Variants in PPFIBP2 observed in about 807,000 individuals in gnomAD.
PPFIBP2 encodes the protein liprin-beta-2.
A neutral mutation model predicts 118.3 loss-of-function variants in PPFIBP2; 118 were observed. The ratio of observed to expected loss-of-function variants is 1.00; its 90% confidence interval spans 0.86 to 1.16. PPFIBP2 has a LOEUF of 1.16. Ranked by LOEUF, PPFIBP2 falls within the 50% of genes most tolerant of loss-of-function variation. The pLI is 0.00. For synonymous variants in PPFIBP2, 414 were observed against 397.4 expected, an observed-to-expected ratio of 1.04 and a Z score of -0.50; for missense variants, 1,195 against 1,073.1, an observed-to-expected ratio of 1.11 and a Z score of -1.59.
intron 1 of PPFIBP2, among the ~76,000 whole-genome samples, chr11:7,541,493 G>A (rs1851773736): frequency 6.6e-6 from 1 of 152,110 alleles, no homozygotes; most frequent in East Asian, 1.9e-4. Flanking sequence ...AAACCCTTTG[G>A]TTCGCTTATG....
intron 1 of PPFIBP2, among the ~76,000 whole-genome samples, chr11:7,528,814 C>T (rs1850437263): frequency 6.6e-6 from 1 of 152,130 alleles, no homozygotes; most frequent in African/African-American, 2.4e-5. Context: ...GTGAGGACTG[C>T]CTGCTCAAGT....
chr11:7,522,104 G>C (rs913473498), intron 1 of PPFIBP2, among the ~76,000 whole-genome samples: 1 of 152,186 alleles, frequency 6.6e-6, no homozygotes, highest in Non-Finnish European at 1.5e-5. Flanking sequence ...GGACAGGGAG[G>C]AACTTCTTAT....
intron 1 of PPFIBP2, among the ~76,000 whole-genome samples, chr11:7,519,642 T>A (rs1253955119): frequency 6.6e-6 from 1 of 152,032 alleles, no homozygotes; most frequent in Non-Finnish European, 1.5e-5. Flanking sequence ...GAGTTTCCCA[T>A]AATGAAGGGT....
At chr11:7,547,417 A>G (rs904609031) in intron 1 of PPFIBP2, among the ~76,000 whole-genome samples, 5 of 152,116 alleles carry the variant, frequency 3.3e-5, no homozygotes, top group Admixed American at 6.5e-5. Context: ...AGGCCACAGT[A>G]AGGAGTTTGG....
At chr11:7,597,524 C>G in intron 4 of PPFIBP2, 36 bp from the exon 5 acceptor site, 3 of 1,590,000 alleles carry the variant, frequency 1.9e-6, no homozygotes, top group Non-Finnish European at 2.6e-6. Flanking sequence ...ATGTCAAATC[C>G]CTGGTCCTCC....
chr11:7,615,591 C>T (rs925595714), intron 6 of PPFIBP2, among the ~76,000 whole-genome samples: 3 of 152,214 alleles, frequency 2.0e-5, no homozygotes, highest in African/African-American at 7.2e-5. Flanking sequence ...TCCTAAATAT[C>T]TCCCAGCTGA....
At chr11:7,626,712 T>A (rs187822302) in intron 8 of PPFIBP2, among the ~76,000 whole-genome samples, 75 of 152,378 alleles carry the variant, frequency 4.9e-4, no homozygotes, top group African/African-American at 1.7e-3. Flanking sequence ...TATGGCTGTT[T>A]GCCATGTATA....
intron 2 of PPFIBP2, among the ~76,000 whole-genome samples, chr11:7,561,577 T>G (rs1185532707): frequency 6.6e-6 from 1 of 152,220 alleles, no homozygotes; most frequent in Non-Finnish European, 1.5e-5. Context: ...TGTCTAAATT[T>G]TATTTTTGTG....
chr11:7,623,084 T>C (rs970710896), intron 7 of PPFIBP2, among the ~76,000 whole-genome samples: 5 of 152,192 alleles, frequency 3.3e-5, no homozygotes, highest in African/African-American at 1.2e-4. Context: ...AGGCTCAGCG[T>C]GGCCAAGCTG....
intron 15 of PPFIBP2, chr11:7,641,127 C>T (rs1030186699): frequency 8.3e-7 from 1 of 1,208,096 alleles, no homozygotes; most frequent in Non-Finnish European, 1.1e-6. Flanking sequence ...TACCCTAACC[C>T]TCCCCTTCAC....
chr11:7,535,431 T>C (rs2134381359), intron 1 of PPFIBP2, among the ~76,000 whole-genome samples: 1 of 152,260 alleles, frequency 6.6e-6, no homozygotes, highest in East Asian at 1.9e-4. Flanking sequence ...TCCAGCGTAG[T>C]GGTTAGGAAC....
intron 1 of PPFIBP2, among the ~76,000 whole-genome samples, chr11:7,542,881 T>G (rs1470681557): frequency 6.6e-6 from 1 of 152,274 alleles, no homozygotes; most frequent in African/African-American, 2.4e-5. Flanking sequence ...TTACCTGAGT[T>G]CTGTCTTGTT....
At chr11:7,603,160 G>C (rs1342573279) in intron 5 of PPFIBP2, among the ~76,000 whole-genome samples, 1 of 152,180 alleles carries the variant, frequency 6.6e-6, no homozygotes, top group Middle Eastern at 3.2e-3. Context: ...TCTGAGGTGG[G>C]TAAGACAGTG....
chr11:7,619,960 G>A (rs10769812), intron 6 of PPFIBP2, among the ~76,000 whole-genome samples: 98,749 of 152,084 alleles, frequency 0.65, 34,040 homozygotes, highest in East Asian at 0.91. Context: ...CTTTATGCCA[G>A]TTCTTCTGAT....
intron 5 of PPFIBP2, chr11:7,605,649 A>G (rs1303835238): frequency 1.6e-5 from 18 of 1,143,214 alleles, no homozygotes; most frequent in Non-Finnish European, 1.7e-5. Flanking sequence ...GACTCACCTC[A>G]AGGTACAGAG....
Position 7,648,823 on chromosome 11 carries a change from C to A in PPFIBP2, c.1821C>A (p.Leu607=), listed in dbSNP as rs1293523096. 2 of 1,614,066 alleles carry A rather than the reference C, an allele frequency of 1.2e-6. No homozygotes were observed. The highest frequency in any genetic ancestry group is 1.7e-6 in the Non-Finnish European group (2 of 1,180,016). ...MEKELGIKHP[L]HRKKLVLAVK... ...AGGAGCTAGGAATTAAGCACCCACT[C>A]CACAGGAAGAAGCTTGTTTTAGCAG... Residue 607 remains leucine, a synonymous_variant, in exon 19 of 24, where the codon CTC becomes CTA. Transcript: ENST00000299492.
At chr11:7,581,591 C>T (rs147365990) in intron 3 of PPFIBP2, among the ~76,000 whole-genome samples, 306 of 152,236 alleles carry the variant, frequency 2.0e-3, no homozygotes, top group African/African-American at 6.8e-3. Flanking sequence ...AAGGCAGACA[C>T]GGAGGTCTCC....
In PPFIBP2 at chr11:7,653,157, G is replaced by A. The variant is rs1303382554; in HGVS notation, c.2570G>A (p.Gly857Asp). ...CACAGGGTCTACAGTGGCTACCGGGGCCTCAGCCCCCTTGATGCCCCTGAA... is the reference window on the plus strand; with the variant it reads ...CACAGGGTCTACAGTGGCTACCGGGACCTCAGCCCCCTTGATGCCCCTGAA... Reference protein sequence around the residue: ...DSHRVYSGYRGLSPLDAPELD... With the variant: ...DSHRVYSGYRDLSPLDAPELD... The change falls in exon 24 of 24, where the codon GGC becomes GAC. Residue 857 changes from glycine (G) to aspartate (D), a missense_variant. Coordinates refer to ENST00000299492, the MANE Select transcript of PPFIBP2 (RefSeq NM_003621.5). The A allele has an allele frequency of 3.7e-6, 6 of 1,614,224 alleles. No homozygotes were observed. In the Admixed American group the frequency reaches 5.0e-5, roughly 13 times the overall value.
At chr11:7,630,080 G>A (rs959107755) in intron 10 of PPFIBP2, among the ~76,000 whole-genome samples, 2 of 152,188 alleles carry the variant, frequency 1.3e-5, no homozygotes, top group African/African-American at 4.8e-5. Context: ...GTTCTTATGG[G>A]CATAGTGGTG....
Sources: gnomAD v4.1 joint callset for allele counts (sites outside exome capture counted in the v4.1 genomes callset) on GRCh38, gnomAD v4.1.1 for gene constraint, MANE v1.5 for transcripts, NCBI Gene and HGNC (gene_info 2026-07-23, HGNC 2026-07-21) for gene names.